DOCK4: variants seen among roughly 807,000 people sequenced by gnomAD.
DOCK4 encodes dedicator of cytokinesis 4.
In DOCK4, 97 loss-of-function variants were observed where a neutral mutation model predicts 268.1. That is an observed-to-expected ratio of 0.36 (90% CI 0.31 to 0.43). The LOEUF (loss-of-function observed/expected upper bound fraction) is 0.43, where lower values mean the gene tolerates loss of function less well. Among genes scored for constraint, DOCK4 ranks in the 20% least tolerant of loss-of-function variants. DOCK4 has a pLI of 1.00. For synonymous variants in DOCK4, 954 were observed against 887.2 expected (o/e 1.08, Z -1.34); for missense variants, 2,145 against 2,455.7 (o/e 0.87, Z 2.67).
intron 12 of DOCK4, among the ~76,000 whole-genome samples, chr7:111,933,647 C>T (rs745474424): frequency 2.8e-4 from 43 of 151,990 alleles, no homozygotes; most frequent in Non-Finnish European, 5.3e-4. Flanking sequence ...CATAGTAGTT[C>T]CATGTTGTAT....
At chr7:112,144,398 A>C (rs1219749582) in intron 1 of DOCK4, among the ~76,000 whole-genome samples, 1 of 152,198 alleles carries the variant, frequency 6.6e-6, no homozygotes, top group Non-Finnish European at 1.5e-5. Context: ...TTCTCTATCT[A>C]GCCTTCTCCA....
At chr7:112,095,612 G>C (rs1209356831) in intron 1 of DOCK4, among the ~76,000 whole-genome samples, 1 of 152,010 alleles carries the variant, frequency 6.6e-6, no homozygotes, top group Non-Finnish European at 1.5e-5. Flanking sequence ...ATACTAACTT[G>C]ATATACTTGT....
At chr7:111,990,989 A>G (rs1012951349) in intron 5 of DOCK4, among the ~76,000 whole-genome samples, 1 of 152,232 alleles carries the variant, frequency 6.6e-6, no homozygotes, top group African/African-American at 2.4e-5. Flanking sequence ...CACCCAAGTC[A>G]ATAAAATTAT....
chr7:112,129,515 AGTGT>A (rs1206798941), intron 1 of DOCK4, among the ~76,000 whole-genome samples: 8 of 152,136 alleles, frequency 5.3e-5, no homozygotes, highest in Non-Finnish European at 1.0e-4. Context: ...CACACACATT[AGTGT>A]GTGTACAAAA....
At chr7:112,171,066 C>T (rs1240585177) in intron 1 of DOCK4, among the ~76,000 whole-genome samples, 1 of 152,184 alleles carries the variant, frequency 6.6e-6, no homozygotes, top group Non-Finnish European at 1.5e-5. Context: ...TTCCAGGACA[C>T]AATAAGTATT....
In DOCK4 at chr7:112,138,351, C is replaced by G. The variant is rs578018683; in HGVS notation, c.37+67751G>C. On this transcript the variant is annotated intron_variant, in intron 1 of 52. Transcript: ENST00000428084. ...TGTTGGAAAATGGACACAATATGCT[C>G]TCACTGGTTTGGCATACATATGGTA... Among the ~76,000 whole-genome samples, 54 of 152,316 alleles carry G rather than the reference C, an allele frequency of 3.5e-4. 1 individual carries two copies. In the Middle Eastern group the frequency reaches 0.017, roughly 48 times the overall value.
intron 16 of DOCK4, among the ~76,000 whole-genome samples, chr7:111,884,507 C>T (rs568194828): frequency 8.5e-5 from 13 of 152,254 alleles, no homozygotes; most frequent in African/African-American, 3.1e-4. Context: ...AGATAAAATA[C>T]TGCATGGTAG....
At chr7:112,100,230 G>C (rs1002389537) in intron 1 of DOCK4, among the ~76,000 whole-genome samples, 5 of 152,088 alleles carry the variant, frequency 3.3e-5, no homozygotes. Context: ...CATGAAATTA[G>C]GTAACTCTAA....
At chr7:112,064,467 T>A (rs186835323) in intron 1 of DOCK4, among the ~76,000 whole-genome samples, 18 of 152,166 alleles carry the variant, frequency 1.2e-4, no homozygotes, top group African/African-American at 4.3e-4. Context: ...CAGCTCCATA[T>A]CACTTACAAT....
Position 111,893,494 on chromosome 7 carries a change from G to C in DOCK4, c.1587+2118C>G, listed in dbSNP as rs1309174109. On this transcript the variant is annotated intron_variant, in intron 16 of 52. Transcript: ENST00000428084. ...GTTATCTCAGCCTTATCTTTTCTGA[G>C]CTAAGATTTAATGTTACAAAGACAT... Among the ~76,000 whole-genome samples the C allele has an allele frequency of 3.3e-5, 5 of 152,136 alleles. No homozygotes were observed. In the East Asian group the frequency reaches 9.6e-4, roughly 29 times the overall value.
intron 39 of DOCK4, among the ~76,000 whole-genome samples, chr7:111,762,760 TTC>T (rs1286944178): frequency 8.8e-5 from 10 of 113,172 alleles, no homozygotes; most frequent in African/African-American, 1.8e-4. Context: ...TTGTTTTGTT[TTC>T]TTTTTTTTTT....
chr7:112,189,412 T>G (rs1819730545), intron 1 of DOCK4, among the ~76,000 whole-genome samples: 2 of 152,176 alleles, frequency 1.3e-5, no homozygotes, highest in South Asian at 4.1e-4. Context: ...GAAGATTTTC[T>G]ACAACTGACC....
chr7:111,935,348 T>G (rs1461964392), intron 12 of DOCK4, 192 bp downstream of exon 12: 2 of 649,956 alleles, frequency 3.1e-6, no homozygotes, highest in South Asian at 3.2e-5. Context: ...AATACATTTT[T>G]TATAGGGAGT....
At chr7:111,752,930 G>C (rs1796772078) in intron 42 of DOCK4, among the ~76,000 whole-genome samples, 1 of 140,192 alleles carries the variant, frequency 7.1e-6, no homozygotes, top group African/African-American at 2.6e-5. Flanking sequence ...CTTTTTTTGG[G>C]TTTTGAAAAT....
In DOCK4 at chr7:111,980,888, G is replaced by A. The variant is rs141689957; in HGVS notation, c.549+3418C>T. 7.1e-3 allele frequency among the ~76,000 whole-genome samples: 1,074 copies of A among 152,322 alleles called. 14 individuals are homozygous for A. The highest frequency in any genetic ancestry group is 0.024 in the African/African-American group (987 of 41,564). On this transcript the variant is annotated intron_variant, in intron 7 of 52. Coordinates refer to ENST00000428084, the MANE Select transcript of DOCK4 (RefSeq NM_001363540.2). ...GAAACCTGCAGGCACAAATAGGAGA[G>A]AAGCTGGCTAATAAGGCTCCCTTTA...
chr7:111,915,892 G>C lies in DOCK4; in HGVS notation c.1079C>G (p.Ser360Cys). 6.2e-7 allele frequency: 1 copy of C among 1,611,346 alleles called. No individual in the cohort carries two copies. The highest frequency in any genetic ancestry group is 1.1e-5 in the South Asian group (1 of 90,366). ...AATGTCTCCGTGCAATAGCTGTAAGGAAACTGCTAAACCTAAAACAGATGA... is the reference window on the plus strand; with the variant it reads ...AATGTCTCCGTGCAATAGCTGTAAGCAAACTGCTAAACCTAAAACAGATGA... ...LTGSNAGLAV[S>C]LQLLHGDIEQ... is the part of the protein sequence containing the mutation. Residue 360 changes from serine to cysteine, a missense_variant, in exon 13 of 53, where the codon TCC (serine) becomes TGC (cysteine). Physicochemically the swap from Ser to Cys is moderately radical, Grantham distance 112. Transcript: ENST00000428084.
At chr7:112,045,519 T>C (rs1483920065) in intron 1 of DOCK4, among the ~76,000 whole-genome samples, 1 of 152,222 alleles carries the variant, frequency 6.6e-6, no homozygotes, top group African/African-American at 2.4e-5. Context: ...TCTCAGTAAA[T>C]ATTTGTAAAA....
At chr7:111,824,729 T>C (rs1314497316) in intron 26 of DOCK4, among the ~76,000 whole-genome samples, 1 of 152,198 alleles carries the variant, frequency 6.6e-6, no homozygotes, top group Non-Finnish European at 1.5e-5. Flanking sequence ...GGAAACAGTA[T>C]TGCAGGTGAA....
chr7:112,063,222 G>T (rs556878337), intron 1 of DOCK4, among the ~76,000 whole-genome samples: 1 of 152,320 alleles, frequency 6.6e-6, no homozygotes, highest in South Asian at 2.1e-4. Flanking sequence ...CTGTTCAAGA[G>T]ACAGAAGCAC....
Sources: allele counts gnomAD v4.1 joint callset (sites outside exome capture counted in the v4.1 genomes callset), GRCh38; gene constraint gnomAD v4.1.1; transcripts MANE v1.5; gene names NCBI Gene and HGNC (gene_info 2026-07-23, HGNC 2026-07-21).